The following SUMF1 variants were observed in gnomAD, a reference collection of about 807,000 sequenced individuals.
The protein encoded by SUMF1 is formylglycine-generating enzyme.
In SUMF1, 48 loss-of-function variants were observed where a neutral mutation model predicts 47.6. That is an observed-to-expected ratio of 1.01 (90% CI 0.80 to 1.28). The LOEUF (loss-of-function observed/expected upper bound fraction) is 1.28. Among genes scored for constraint, SUMF1 ranks in the 50% most tolerant of loss-of-function variants. The pLI, the probability that SUMF1 is intolerant of heterozygous loss-of-function variation, is 0.00. For synonymous variants in SUMF1, 230 were observed against 192.1 expected (o/e 1.20, Z -1.63); for missense variants, 571 against 485.4 (o/e 1.18, Z -1.66).
At chr3:4,135,485 C>G (rs1087733) in intron 8 of SUMF1, among the ~76,000 whole-genome samples, 110,739 of 151,848 alleles carry the variant, frequency 0.73, 40,509 homozygotes, top group Admixed American at 0.78. Context: ...AAAATAATAA[C>G]AGCTATCTAT....
intron 8 of SUMF1, among the ~76,000 whole-genome samples, chr3:4,243,892 TAA>T (rs1486456624): frequency 6.6e-6 from 1 of 152,188 alleles, no homozygotes; most frequent in Non-Finnish European, 1.5e-5. Flanking sequence ...TGTAGGAATC[TAA>T]GTCTCTTTGT....
chr3:4,127,234 T>G (rs1693675050), intron 8 of SUMF1, among the ~76,000 whole-genome samples: 1 of 152,176 alleles, frequency 6.6e-6, no homozygotes. Flanking sequence ...AACCCAGGAT[T>G]TCATCCTGAA....
chr3:4,231,645 G>A (rs1030292466), intron 8 of SUMF1, among the ~76,000 whole-genome samples: 1 of 152,124 alleles, frequency 6.6e-6, no homozygotes, highest in African/African-American at 2.4e-5. Context: ...AAAATCAGGG[G>A]CAGGCAGAAC....
At chr3:4,335,176 C>T (rs1699120844) in intron 8 of SUMF1, among the ~76,000 whole-genome samples, 1 of 152,130 alleles carries the variant, frequency 6.6e-6, no homozygotes, top group African/African-American at 2.4e-5. Context: ...GTGATCTCTG[C>T]CTGCAGCCTA....
rs367745917 is a variant in SUMF1, at chr3:4,344,492, T to TCAA, written c.1014+31835_1014+31837dup. ...CAAGCAGAAAGTGACAACAACAGCA[T>TCAA]CAACAACAACAAGGCCCCCACAAAA... On this transcript the variant is annotated intron_variant and NMD_transcript_variant, in intron 8 of 12. Coordinates refer to the SUMF1 transcript ENST00000448413. Among the ~76,000 whole-genome samples the TCAA allele has an allele frequency of 1.3e-3, 193 of 152,088 alleles. 1 individual carries two copies. Among genetic ancestry groups the TCAA allele is most frequent in the African/African-American group, 4.5e-3 (185 of 41,472 alleles).
chr3:4,459,301 C>A (rs917647887), intron 1 of SUMF1, among the ~76,000 whole-genome samples: 1 of 151,286 alleles, frequency 6.6e-6, no homozygotes, highest in Admixed American at 6.6e-5. Flanking sequence ...TTGTACCCCA[C>A]AAATTATTAT....
chr3:4,329,262 T>C (rs1021348613), intron 8 of SUMF1, among the ~76,000 whole-genome samples: 2 of 152,252 alleles, frequency 1.3e-5, no homozygotes, highest in Non-Finnish European at 2.9e-5. Flanking sequence ...GTGGGGACTC[T>C]GTGTGGTGGC....
At chr3:4,277,993 A>G (rs918868337) in intron 8 of SUMF1, among the ~76,000 whole-genome samples, 1 of 152,184 alleles carries the variant, frequency 6.6e-6, no homozygotes, top group African/African-American at 2.4e-5. Flanking sequence ...AATTATGTAG[A>G]GAATGTTTGA....
intron 9 of SUMF1, among the ~76,000 whole-genome samples, chr3:4,049,196 T>G (rs1324241899): frequency 2.0e-5 from 3 of 152,188 alleles, no homozygotes; most frequent in African/African-American, 7.2e-5. Context: ...TTGTTCTACA[T>G]CATCCTAACT....
chr3:4,285,940 T>A (rs1299948900), intron 8 of SUMF1, among the ~76,000 whole-genome samples: 1 of 152,176 alleles, frequency 6.6e-6, no homozygotes, highest in Non-Finnish European at 1.5e-5. Flanking sequence ...CGGAGCATGT[T>A]GTCAAATAAA....
intron 7 of SUMF1, among the ~76,000 whole-genome samples, chr3:4,401,707 T>C (rs1174104434): frequency 2.6e-5 from 4 of 152,194 alleles, no homozygotes; most frequent in Non-Finnish European, 1.5e-5. Flanking sequence ...GGCTCTGTTA[T>C]TCAGCACAGC....
intron 7 of SUMF1, among the ~76,000 whole-genome samples, chr3:4,401,298 A>G (rs934926259): frequency 6.6e-6 from 1 of 152,168 alleles, no homozygotes; most frequent in East Asian, 1.9e-4. Context: ...TCTTTATAGT[A>G]GCATGATTTA....
chr3:4,453,529 A>G (rs1287723523), intron 1 of SUMF1, among the ~76,000 whole-genome samples: 1 of 144,618 alleles, frequency 6.9e-6, no homozygotes, highest in Non-Finnish European at 1.5e-5. Context: ...ACCATGCCCA[A>G]CTAATTTTTT....
chr3:4,138,940 T>C (rs893074919), intron 8 of SUMF1, among the ~76,000 whole-genome samples: 2 of 152,046 alleles, frequency 1.3e-5, no homozygotes, highest in Admixed American at 6.6e-5. Context: ...TTTTATATAT[T>C]ATGACATAGT....
At chr3:4,366,379 A>C (rs1699958203) in intron 8 of SUMF1, among the ~76,000 whole-genome samples, 1 of 151,934 alleles carries the variant, frequency 6.6e-6, no homozygotes. Context: ...TGGTCTTTTC[A>C]CATAGTCCCA....
chr3:4,063,820 T>G (rs142828390), intron 9 of SUMF1, among the ~76,000 whole-genome samples: 1 of 152,316 alleles, frequency 6.6e-6, no homozygotes, highest in East Asian at 1.9e-4. Flanking sequence ...CTTATTAAAT[T>G]ATTATATGTT....
intron 8 of SUMF1, among the ~76,000 whole-genome samples, chr3:4,329,520 C>A (rs545193840): frequency 2.0e-5 from 3 of 152,372 alleles, no homozygotes; most frequent in Non-Finnish European, 4.4e-5. Context: ...CCCCTTTTAG[C>A]CATGGCTGGA....
At chr3:4,366,325 C>G (rs1159581821) in intron 8 of SUMF1, among the ~76,000 whole-genome samples, 1 of 152,156 alleles carries the variant, frequency 6.6e-6, no homozygotes, top group South Asian at 2.1e-4. Flanking sequence ...CAACTTGGTT[C>G]CATTCTCCCC....
intron 8 of SUMF1, among the ~76,000 whole-genome samples, chr3:4,370,990 T>C (rs1164746795): frequency 6.6e-6 from 1 of 152,178 alleles, no homozygotes; most frequent in Non-Finnish European, 1.5e-5. Flanking sequence ...AAAGTTAGTG[T>C]TGCGAGGTCA....
Sources: allele counts gnomAD v4.1 joint callset (sites outside exome capture counted in the v4.1 genomes callset), GRCh38; gene constraint gnomAD v4.1.1; transcripts MANE v1.5; gene names NCBI Gene and HGNC (gene_info 2026-07-23, HGNC 2026-07-21).